The following ANOS1 variants were observed in gnomAD, a reference collection of about 807,000 sequenced individuals.
The protein encoded by ANOS1 is anosmin-1.
ANOS1 carries 6 observed loss-of-function variants against 59.0 expected under a neutral mutation model. That is an observed-to-expected ratio of 0.10 (90% confidence interval 0.06 to 0.20). The LOEUF is 0.20. Among genes scored for constraint, ANOS1 ranks in the 10% least tolerant of loss-of-function variants. ANOS1 has a pLI of 1.00. For missense variants in ANOS1, 433 were observed against 542.3 expected, an observed-to-expected ratio of 0.80 and a Z score of 2.00; for synonymous variants, 217 against 223.4, an observed-to-expected ratio of 0.97 and a Z score of 0.25.
intron 2 of ANOS1, among the ~76,000 whole-genome samples, chrX:8,685,593 AAAGG>A (rs200018635): frequency 1.1e-4 from 8 of 74,825 alleles, no homozygotes; most frequent in Admixed American, 9.7e-4. Flanking sequence ...AAAGAGAAAG[AAAGG>A]AAGAAAGAAA....
intron 10 of ANOS1, 71 bp from the exon 11 acceptor site, chrX:8,537,013 G>A: frequency 3.4e-6 from 3 of 895,264 alleles, no homozygotes; most frequent in Non-Finnish European, 3.2e-6. Context: ...GGCAAGAATT[G>A]AAATCATATT....
intron 2 of ANOS1, among the ~76,000 whole-genome samples, chrX:8,671,783 CA>C (rs1932259961): frequency 9.1e-6 from 1 of 109,459 alleles, no homozygotes; most frequent in South Asian, 3.8e-4. Flanking sequence ...TTTTAACTTT[CA>C]AAAAAATTAT....
chrX:8,610,033 A>AAAAAAAAAAAAAAAAAAAAC (rs1287806402), intron 3 of ANOS1, among the ~76,000 whole-genome samples: 4 of 82,703 alleles, frequency 4.8e-5, no homozygotes, highest in African/African-American at 4.9e-5. Flanking sequence ...AAAAAAAAAA[A>AAAAAAAAAAAAAAAAAAAAC]AACAACAACC....
chrX:8,594,689 TATATATATACAC>T (rs1170255976), intron 4 of ANOS1, among the ~76,000 whole-genome samples: 52 of 54,576 alleles, frequency 9.5e-4, no homozygotes, highest in African/African-American at 4.0e-3. Flanking sequence ...TATATATATA[TATATATATACAC>T]ATATATATAC....
chrX:8,602,442 A>G (rs1036433711), intron 3 of ANOS1, among the ~76,000 whole-genome samples: 1 of 111,811 alleles, frequency 8.9e-6, no homozygotes, highest in Non-Finnish European at 1.9e-5. Context: ...ACCATTAAGC[A>G]TGTAAAATTT....
intron 12 of ANOS1, chrX:8,535,246 C>A: frequency 4.7e-6 from 1 of 213,708 alleles, no homozygotes; most frequent in Non-Finnish European, 8.5e-6. Flanking sequence ...CTCCCCAATT[C>A]AACACTTCAA....
rs1348544577 is a variant in ANOS1 at position 8,531,409 on chromosome X, AAAC to A, written c.*1583_*1585del. ...ATCTGCATGAATTCAGGAAACAATA[AAAC>A]AACAAGAAGCAAGTACCATTGTCAA... On this transcript the variant is annotated 3_prime_UTR_variant, in exon 14 of 14. Coordinates refer to ENST00000262648, the MANE Select transcript of ANOS1 (RefSeq NM_000216.4). The A allele has an allele frequency of 9.0e-6, 1 of 111,601 alleles. No individual in the cohort carries two copies. Among genetic ancestry groups the A allele is most frequent in the African/African-American group, 3.3e-5 (1 of 30,699 alleles). 9.2% of individuals were successfully genotyped at this position (111,601 alleles called of 1,213,427 possible).
At chrX:8,634,714 AAAT>A (rs1347095929) in intron 2 of ANOS1, among the ~76,000 whole-genome samples, 1 of 112,189 alleles carries the variant, frequency 8.9e-6, no homozygotes, top group Non-Finnish European at 1.9e-5. Context: ...TAAATTCATA[AAAT>A]AATCTTAAAA....
chrX:8,731,340 A>G (rs1932974748), intron 1 of ANOS1, among the ~76,000 whole-genome samples: 2 of 111,761 alleles, frequency 1.8e-5, no homozygotes, highest in African/African-American at 3.3e-5. Context: ...AGTGAAAACC[A>G]TCTTTCAAAA....
At chrX:8,597,799 G>A (rs1447489246) in intron 3 of ANOS1, among the ~76,000 whole-genome samples, 2 of 105,159 alleles carry the variant, frequency 1.9e-5, no homozygotes, top group Non-Finnish European at 3.9e-5. Flanking sequence ...AGCCTCCCAA[G>A]TAACTAGAAC....
Position 8,623,635 on chromosome X carries a change from C to T in ANOS1, c.291G>A (p.Arg97=). Residue 97 remains arginine, a synonymous_variant, in exon 3 of 14, where the codon AGG becomes AGA. Coordinates refer to ENST00000262648, the MANE Select transcript of ANOS1 (RefSeq NM_000216.4). Reference sequence around the variant, plus strand: ...CACAAAAGCTTTGGCACTGGTGTTTCCTCAGGTCCCCTGATTCCTTGCAGG... The same window carrying T: ...CACAAAAGCTTTGGCACTGGTGTTTTCTCAGGTCCCCTGATTCCTTGCAGG... ...LEPCKESGDL[R]KHQCQSFCEP... is the part of the protein sequence containing the mutation. The T allele has an allele frequency of 1.7e-6, 2 of 1,205,497 alleles. No homozygotes were observed. Among genetic ancestry groups the T allele is most frequent in the Non-Finnish European group, 2.2e-6 (2 of 890,033 alleles).
intron 1 of ANOS1, among the ~76,000 whole-genome samples, chrX:8,711,932 C>A (rs1429608764): frequency 8.9e-6 from 1 of 112,796 alleles, no homozygotes; most frequent in East Asian, 2.8e-4. Flanking sequence ...ATTCACATAT[C>A]AAAACCCCAC....
At chrX:8,540,294 G>C (rs1246146754) in intron 9 of ANOS1, among the ~76,000 whole-genome samples, 2 of 111,279 alleles carry the variant, frequency 1.8e-5, no homozygotes, top group African/African-American at 6.6e-5. Flanking sequence ...TTTATTTCCT[G>C]TTATGTATTG....
intron 6 of ANOS1, among the ~76,000 whole-genome samples, chrX:8,577,170 A>G (rs776353476): frequency 5.3e-5 from 6 of 112,306 alleles, no homozygotes; most frequent in Non-Finnish European, 9.4e-5. Context: ...ACTCGACATG[A>G]GCACTGTTTA....
At chrX:8,577,545 G>C (rs141207407) in intron 6 of ANOS1, among the ~76,000 whole-genome samples, 6 of 112,652 alleles carry the variant, frequency 5.3e-5, no homozygotes, top group Non-Finnish European at 1.1e-4. Flanking sequence ...TATACAATTA[G>C]TGTGATTACC....
chrX:8,697,232 G>A (rs1267256323), intron 2 of ANOS1, among the ~76,000 whole-genome samples: 1 of 111,397 alleles, frequency 9.0e-6, no homozygotes, highest in Admixed American at 9.6e-5. Flanking sequence ...GACAGAACAA[G>A]ACTCCATCTC....
At chrX:8,707,466 CAA>C (rs1932786073) in intron 1 of ANOS1, among the ~76,000 whole-genome samples, 1 of 111,347 alleles carries the variant, frequency 9.0e-6, no homozygotes, top group Non-Finnish European at 1.9e-5. Flanking sequence ...GAAAACTGAA[CAA>C]AGACTTGCAT....
intron 1 of ANOS1, among the ~76,000 whole-genome samples, chrX:8,714,829 T>C (rs1462668386): frequency 8.9e-6 from 1 of 112,354 alleles, no homozygotes; most frequent in Non-Finnish European, 1.9e-5. Context: ...TGCTTTTTCA[T>C]TATGCTAATT....
chrX:8,578,098 T>C (rs1454659444), intron 6 of ANOS1, among the ~76,000 whole-genome samples: 1 of 111,519 alleles, frequency 9.0e-6, no homozygotes, highest in South Asian at 3.8e-4. Flanking sequence ...ATAATGTCTA[T>C]AGATTAAACT....
Sources: allele counts gnomAD v4.1 joint callset (sites outside exome capture counted in the v4.1 genomes callset), GRCh38; gene constraint gnomAD v4.1.1; transcripts MANE v1.5; gene names NCBI Gene and HGNC (gene_info 2026-07-23, HGNC 2026-07-21).